The following STXBP6 variants were observed in gnomAD, a reference collection of about 807,000 sequenced individuals.
The protein encoded by STXBP6 is syntaxin-binding protein 6.
In STXBP6, 21 loss-of-function variants were observed where a neutral mutation model predicts 26.9. The ratio of observed to expected loss-of-function variants is 0.78; its 90% CI spans 0.55 to 1.12. STXBP6 has a LOEUF of 1.12. Ranked by LOEUF, STXBP6 falls within the 50% of genes most tolerant of loss-of-function variation. The probability of loss-of-function intolerance (pLI) is 0.00; values close to 1 mark genes in which losing one functional copy is unlikely to be tolerated. For synonymous variants in STXBP6, 97 were observed against 92.6 expected (o/e 1.05, Z -0.27); for missense variants, 232 against 257.9 (o/e 0.90, Z 0.69).
intron 2 of STXBP6, among the ~76,000 whole-genome samples, chr14:24,955,991 T>A (rs1375084572): frequency 6.6e-6 from 1 of 152,162 alleles, no homozygotes. Context: ...AGACTCAAAC[T>A]GAAGTCTGTT....
chr14:24,946,959 T>C (rs1283194062), intron 2 of STXBP6, among the ~76,000 whole-genome samples: 1 of 152,128 alleles, frequency 6.6e-6, no homozygotes, highest in East Asian at 1.9e-4. Flanking sequence ...ATGACAAGAC[T>C]GGAGCTTTTG....
intron 4 of STXBP6, 84 bp downstream of exon 4, chr14:24,855,852 A>T: frequency 7.4e-7 from 1 of 1,345,384 alleles, no homozygotes; most frequent in Admixed American, 2.4e-5. Flanking sequence ...TTTGTCTTTA[A>T]TTATGCTGCT....
chr14:24,912,155 T>C (rs2071598361), intron 2 of STXBP6, among the ~76,000 whole-genome samples: 1 of 152,238 alleles, frequency 6.6e-6, no homozygotes, highest in Non-Finnish European at 1.5e-5. Flanking sequence ...ATGTACCCAA[T>C]CTGAACAAGG....
chr14:24,812,576 G>GA lies in STXBP6; in HGVS notation c.*132dup, dbSNP rs2067852682. On this transcript the variant is annotated 3_prime_UTR_variant, in exon 6 of 6. Transcript: ENST00000323944. ...TTTCTTTCACATTAACATCTGAAAA[G>GA]AAAAAACAAAAACCACTCTAAGTGT... 1.2e-6 allele frequency: 1 copy of GA among 811,656 alleles called. No homozygotes were observed. Among genetic ancestry groups the GA allele is most frequent in the Non-Finnish European group, 2.0e-6 (1 of 505,984 alleles). The allele number at this position is 811,656 out of a possible 1,614,324, so 50.3% of individuals were successfully genotyped here. A position where few individuals can be genotyped will look rare whatever the true frequency, so the allele number is the denominator to read the frequency against.
chr14:24,812,901 A>G (rs1192233764), intron 5 of STXBP6, among the ~76,000 whole-genome samples, 169 bp from the exon 6 acceptor site: 2 of 152,162 alleles, frequency 1.3e-5, no homozygotes, highest in African/African-American at 4.8e-5. Context: ...AATGTGCAAC[A>G]TTTTCTCAAA....
chr14:24,827,254 T>G (rs1203669629), intron 4 of STXBP6, among the ~76,000 whole-genome samples: 2 of 152,148 alleles, frequency 1.3e-5, no homozygotes, highest in Non-Finnish European at 2.9e-5. Context: ...TCATATGAAC[T>G]AGTGTGAGAA....
chr14:25,014,909 C>T (rs1442156459), intron 1 of STXBP6, among the ~76,000 whole-genome samples: 1 of 152,196 alleles, frequency 6.6e-6, no homozygotes, highest in Non-Finnish European at 1.5e-5. Flanking sequence ...CTATTTCTCT[C>T]AATCTCCCAA....
chr14:24,847,006 G>A (rs1265560636), intron 4 of STXBP6, among the ~76,000 whole-genome samples: 1 of 152,038 alleles, frequency 6.6e-6, no homozygotes, highest in Non-Finnish European at 1.5e-5. Flanking sequence ...TCTATTCCAG[G>A]TATGGAATAG....
chr14:24,945,570 A>AAAAACAAAAC (rs571075931), intron 2 of STXBP6, among the ~76,000 whole-genome samples: 1 of 151,998 alleles, frequency 6.6e-6, no homozygotes, highest in African/African-American at 2.4e-5. Flanking sequence ...ACCCTGTCTC[A>AAAAACAAAAC]AAAACAAAAC....
At chr14:24,964,016 T>C in intron 2 of STXBP6, among the ~76,000 whole-genome samples, 1 of 131,834 alleles carries the variant, frequency 7.6e-6, no homozygotes, top group African/African-American at 2.8e-5. Flanking sequence ...TACCAGCCAC[T>C]ATAATCCAGA....
At chr14:24,901,445 C>A (rs1340671435) in intron 2 of STXBP6, among the ~76,000 whole-genome samples, 3 of 152,174 alleles carry the variant, frequency 2.0e-5, no homozygotes, top group African/African-American at 4.8e-5. Context: ...ATTACAACCA[C>A]TGGGAAAACT....
rs772963568 is a variant in STXBP6 at position 24,819,066 on chromosome 14, C to T, written c.580G>A (p.Ala194Thr). The stretch of plus-strand genomic sequence containing the variant: ...TGCGCAGTTTCTGCAAACTGCTGGG[C>T]GCTGTTCTTCAGGTCTTCTGTCTTC... ...EEKTEDLKNS[A>T]QQFAETAHKL... The change falls in exon 5 of 6, where the codon GCC becomes ACC. Residue 194 changes from alanine to threonine, a missense_variant. Physicochemically the swap from Ala to Thr is moderately conservative, Grantham distance 58. Transcript: ENST00000323944. The T allele has an allele frequency of 2.1e-5, 34 of 1,609,312 alleles. No individual in the cohort carries two copies. The highest frequency in any genetic ancestry group is 2.7e-5 in the African/African-American group (2 of 74,836).
In STXBP6 at chr14:24,870,829, C is replaced by G. The variant is rs575116589; in HGVS notation, c.155-13672G>C. ...CCCTAGCTGAGCTCTCCATGTCCCCCTTCAGATCTAAGTAGAATGGTTTAA... is the reference window on the plus strand; with the variant it reads ...CCCTAGCTGAGCTCTCCATGTCCCCGTTCAGATCTAAGTAGAATGGTTTAA... On this transcript the variant is annotated intron_variant, in intron 2 of 5. Transcript: ENST00000323944. Among the ~76,000 whole-genome samples, 23 of 152,278 alleles carry G rather than the reference C, an allele frequency of 1.5e-4. No homozygotes were observed. The East Asian group carries it at 4.4e-3, about 29-fold the overall frequency.
At chr14:24,904,424 G>T (rs1595081007) in intron 2 of STXBP6, among the ~76,000 whole-genome samples, 1 of 152,040 alleles carries the variant, frequency 6.6e-6, no homozygotes, top group Non-Finnish European at 1.5e-5. Context: ...TTTTTTTGTA[G>T]AATATTACTT....
chr14:25,023,978 G>GA (rs1459645034), intron 1 of STXBP6, among the ~76,000 whole-genome samples: 1 of 152,034 alleles, frequency 6.6e-6, no homozygotes, highest in African/African-American at 2.4e-5. Flanking sequence ...ATACTAGGAG[G>GA]AAAAAACACC....
chr14:24,888,830 T>C (rs961729366), intron 2 of STXBP6, among the ~76,000 whole-genome samples: 17 of 152,174 alleles, frequency 1.1e-4, no homozygotes, highest in Admixed American at 9.8e-4. Flanking sequence ...TAACCCTCTA[T>C]GTACCAGACA....
chr14:25,041,033 A>C (rs2075633990), intron 1 of STXBP6, among the ~76,000 whole-genome samples: 1 of 152,168 alleles, frequency 6.6e-6, no homozygotes, highest in South Asian at 2.1e-4. Flanking sequence ...TTAAAAAGAA[A>C]AAACGGGGCC....
chr14:24,878,979 A>C (rs1255561103), intron 2 of STXBP6, among the ~76,000 whole-genome samples: 1 of 152,202 alleles, frequency 6.6e-6, no homozygotes, highest in Non-Finnish European at 1.5e-5. Flanking sequence ...ACGTGCCTTA[A>C]ACATGTTTAA....
intron 2 of STXBP6, among the ~76,000 whole-genome samples, chr14:24,905,379 G>A (rs2071352685): frequency 1.3e-5 from 2 of 152,166 alleles, no homozygotes; most frequent in South Asian, 2.1e-4. Flanking sequence ...TTGTTATTTA[G>A]GAGGAACATG....
Sources: gnomAD v4.1 joint callset for allele counts (sites outside exome capture counted in the v4.1 genomes callset) on GRCh38, gnomAD v4.1.1 for gene constraint, MANE v1.5 for transcripts, NCBI Gene and HGNC (gene_info 2026-07-23, HGNC 2026-07-21) for gene names.